The following SAMD5 variants were observed in gnomAD, a reference collection of about 807,000 sequenced individuals.
SAMD5 encodes sterile alpha motif domain containing 5, also known as sterile alpha motif domain-containing protein 5.
A neutral mutation model predicts 11.3 loss-of-function variants in SAMD5; 13 were observed. The observed-to-expected ratio is 1.15, with a 90% CI of 0.75 to 1.83. The LOEUF (loss-of-function observed/expected upper bound fraction) is 1.83. Ranked by LOEUF, SAMD5 falls within the 40% of genes most tolerant of loss-of-function variation. The pLI is 0.00. For synonymous variants in SAMD5, 129 were observed against 111.3 expected, an observed-to-expected ratio of 1.16 and a Z score of -1.00; for missense variants, 255 against 239.1, an observed-to-expected ratio of 1.07 and a Z score of -0.44.
intron 1 of SAMD5, among the ~76,000 whole-genome samples, chr6:147,722,712 C>G (rs763693713): frequency 6.6e-6 from 1 of 152,192 alleles, no homozygotes; most frequent in African/African-American, 2.4e-5. Flanking sequence ...TTTTTTCTTG[C>G]TTTTTTTATG....
the SAMD5 span, among the ~76,000 whole-genome samples, chr6:147,812,262 G>C: frequency 6.6e-6 from 1 of 152,158 alleles, no homozygotes; most frequent in African/African-American, 2.4e-5. Context: ...AATGTTGGAG[G>C]AAAAGTCTGC....
At chr6:147,633,935 A>C (rs534743083) in intron 1 of SAMD5, among the ~76,000 whole-genome samples, 3 of 152,188 alleles carry the variant, frequency 2.0e-5, no homozygotes, top group South Asian at 4.1e-4. Context: ...AGAACATTTT[A>C]TTCACCTCTA....
chr6:147,820,020 G>C, the SAMD5 span, among the ~76,000 whole-genome samples: 122 of 152,326 alleles, frequency 8.0e-4, 1 homozygote, highest in Non-Finnish European at 1.2e-3. Flanking sequence ...ACAAGGTGTG[G>C]TGGCAGCATT....
At chr6:147,694,671 G>T (rs573272987) in intron 1 of SAMD5, among the ~76,000 whole-genome samples, 2 of 152,198 alleles carry the variant, frequency 1.3e-5, no homozygotes, top group African/African-American at 4.8e-5. Context: ...AAAAAAATTA[G>T]CCAGGCACGG....
downstream of SAMD5, among the ~76,000 whole-genome samples, chr6:147,740,464 C>T (rs760793593): frequency 2.6e-5 from 4 of 152,206 alleles, no homozygotes; most frequent in South Asian, 2.1e-4. Context: ...AAGTTACTTA[C>T]GCATAGGATT....
chr6:147,511,181 G>C (rs576866161), intron 1 of SAMD5, among the ~76,000 whole-genome samples: 1 of 152,294 alleles, frequency 6.6e-6, no homozygotes, highest in South Asian at 2.1e-4. Flanking sequence ...GGGAGAGCAG[G>C]GACACCGTGG....
intron 1 of SAMD5, among the ~76,000 whole-genome samples, chr6:147,645,216 A>G (rs1316689540): frequency 1.3e-5 from 2 of 152,154 alleles, no homozygotes; most frequent in Non-Finnish European, 2.9e-5. Flanking sequence ...TGGCATGTGC[A>G]AGGAGGGATG....
chr6:147,618,304 C>T (rs1294009275), intron 1 of SAMD5, among the ~76,000 whole-genome samples: 1 of 152,158 alleles, frequency 6.6e-6, no homozygotes, highest in Non-Finnish European at 1.5e-5. Flanking sequence ...ATTGACCAGC[C>T]TGTGTTTAAT....
intron 1 of SAMD5, among the ~76,000 whole-genome samples, chr6:147,576,194 G>T (rs1789214552): frequency 6.7e-6 from 1 of 150,176 alleles, no homozygotes; most frequent in Non-Finnish European, 1.5e-5. Context: ...AGGCTGGAGT[G>T]CAGTGGCACA....
the SAMD5 span, among the ~76,000 whole-genome samples, chr6:147,788,574 C>G: frequency 6.6e-6 from 1 of 152,116 alleles, no homozygotes; most frequent in Non-Finnish European, 1.5e-5. Context: ...GGATAAAAGT[C>G]TATACTTTCA....
At chr6:147,897,577 G>A in the SAMD5 span, among the ~76,000 whole-genome samples, 1 of 152,158 alleles carries the variant, frequency 6.6e-6, no homozygotes, top group Non-Finnish European at 1.5e-5. Context: ...CTTACTAGTT[G>A]TGAGGCTTGG....
the SAMD5 span, among the ~76,000 whole-genome samples, chr6:147,772,189 A>C: frequency 1.3e-5 from 2 of 152,158 alleles, no homozygotes; most frequent in Non-Finnish European, 2.9e-5. Flanking sequence ...ATTATTTGGG[A>C]ATATGCCAGA....
chr6:147,777,292 G>A, the SAMD5 span, among the ~76,000 whole-genome samples: 2 of 152,024 alleles, frequency 1.3e-5, no homozygotes, highest in Non-Finnish European at 2.9e-5. Context: ...GTCTTTCAAG[G>A]GCAAGGATTA....
intron 1 of SAMD5, among the ~76,000 whole-genome samples, chr6:147,704,526 A>T (rs1791298732): frequency 6.6e-6 from 1 of 152,172 alleles, no homozygotes; most frequent in African/African-American, 2.4e-5. Flanking sequence ...ATTTGTAGTT[A>T]ATTACAAATT....
chr6:147,522,502 C>T (rs1267734261), intron 1 of SAMD5, among the ~76,000 whole-genome samples: 2 of 152,062 alleles, frequency 1.3e-5, no homozygotes, highest in Non-Finnish European at 2.9e-5. Flanking sequence ...ATTAATATTA[C>T]ATTAACAGAT....
chr6:147,827,058 C>T, the SAMD5 span, among the ~76,000 whole-genome samples: 7 of 152,170 alleles, frequency 4.6e-5, 1 homozygote, highest in African/African-American at 1.7e-4. Flanking sequence ...AGATCATCTT[C>T]CTTGATCAGG....
chr6:147,756,378 G>A, the SAMD5 span, among the ~76,000 whole-genome samples: 1 of 151,984 alleles, frequency 6.6e-6, no homozygotes, highest in Admixed American at 6.6e-5. Flanking sequence ...TTGGATCCTG[G>A]GGATGTTGGA....
the SAMD5 span, among the ~76,000 whole-genome samples, chr6:147,949,102 C>T: frequency 6.6e-6 from 1 of 152,298 alleles, no homozygotes; most frequent in Middle Eastern, 3.4e-3. Flanking sequence ...ATTTGAACAG[C>T]CTGCTTAACA....
At chr6:147,552,402 G>A (rs926156577) in intron 1 of SAMD5, among the ~76,000 whole-genome samples, 4 of 152,134 alleles carry the variant, frequency 2.6e-5, no homozygotes, top group African/African-American at 9.7e-5. Context: ...TTATTTTAAT[G>A]TAATTGAATT....
Sources: allele counts gnomAD v4.1 joint callset (sites outside exome capture counted in the v4.1 genomes callset), GRCh38; gene constraint gnomAD v4.1.1; transcripts MANE v1.5; gene names NCBI Gene and HGNC (gene_info 2026-07-23, HGNC 2026-07-21).